CDH12: variants seen among roughly 807,000 people sequenced by gnomAD.
CDH12 encodes the protein cadherin-12.
Under a neutral mutation model 74.1 loss-of-function variants are expected in CDH12, and 41 were observed. The ratio of observed to expected loss-of-function variants is 0.55; its 90% CI spans 0.43 to 0.72. The LOEUF is 0.72. Ranked by LOEUF, CDH12 falls within the 30% of genes least tolerant of loss-of-function variation. The pLI is 0.00. For synonymous variants in CDH12, 399 were observed against 355.0 expected (o/e 1.12, Z -1.39); for missense variants, 945 against 977.2 (o/e 0.97, Z 0.44).
chr5:21,947,195 A>G (rs1400005040), intron 6 of CDH12, among the ~76,000 whole-genome samples: 20 of 152,160 alleles, frequency 1.3e-4, no homozygotes, highest in Non-Finnish European at 2.9e-4. Context: ...GTATCTTTAT[A>G]GCAGTGTGAG....
intron 1 of CDH12, among the ~76,000 whole-genome samples, chr5:22,636,065 TA>T (rs550875976): frequency 8.2e-4 from 124 of 152,054 alleles, no homozygotes; most frequent in Admixed American, 1.4e-3. Flanking sequence ...AGAAAATATA[TA>T]AATTATCAAT....
chr5:21,765,100 C>T lies in CDH12; in HGVS notation c.1394-1G>A. On this transcript the variant is annotated splice_acceptor_variant, in intron 11 of 14. Transcript: ENST00000382254. LOFTEE classifies it high-confidence loss of function. ...ACTTTGCTGGTCAATAAAGGGTTAC[C>T]TGTTAAAAACATATAAAGATAAAAG... The T allele has an allele frequency of 3.2e-6, 5 of 1,553,690 alleles. No homozygotes were observed. Among genetic ancestry groups the T allele is most frequent in the Non-Finnish European group, 4.3e-6 (5 of 1,153,558 alleles).
At chr5:22,029,592 T>C (rs1192471126) in intron 5 of CDH12, among the ~76,000 whole-genome samples, 2 of 152,048 alleles carry the variant, frequency 1.3e-5, no homozygotes, top group Admixed American at 1.3e-4. Flanking sequence ...AGAATGGCAA[T>C]CATTAAAAAG....
chr5:21,970,576 AT>A, intron 6 of CDH12, among the ~76,000 whole-genome samples: 1 of 152,168 alleles, frequency 6.6e-6, no homozygotes, highest in Non-Finnish European at 1.5e-5. Context: ...ACTGTGGCTC[AT>A]GTCCTTAACA....
intron 3 of CDH12, among the ~76,000 whole-genome samples, chr5:22,397,557 C>T (rs1407891199): frequency 6.6e-6 from 1 of 150,920 alleles, no homozygotes; most frequent in Non-Finnish European, 1.5e-5. Flanking sequence ...CAAGGATTGA[C>T]ATTACAGACT....
rs1353799939 is a variant in CDH12, at chr5:22,321,189, T to C, written c.-333+84068A>G. ...TAAATCATGCTGCTATAAAGACACA[T>C]GCACACGTTGTTTATTGCGGCATTT... On this transcript the variant is annotated intron_variant, in intron 3 of 14. Transcript: ENST00000382254. 2.6e-5 allele frequency among the ~76,000 whole-genome samples: 4 copies of C among 152,116 alleles called. No individual in the cohort carries two copies. In the East Asian group the frequency reaches 5.8e-4, roughly 22 times the overall value.
chr5:22,022,333 G>A (rs895784770), intron 5 of CDH12, among the ~76,000 whole-genome samples: 6 of 152,076 alleles, frequency 3.9e-5, no homozygotes, highest in African/African-American at 1.4e-4. Context: ...TTAAAAGTGT[G>A]TAGTACTTCC....
intron 1 of CDH12, among the ~76,000 whole-genome samples, chr5:22,528,686 A>C (rs1349574084): frequency 6.6e-6 from 1 of 152,026 alleles, no homozygotes; most frequent in Admixed American, 6.6e-5. Flanking sequence ...AGCCAATCTT[A>C]TTATATTTTT....
chr5:22,581,690 T>C (rs891175014), intron 1 of CDH12, among the ~76,000 whole-genome samples: 3 of 152,152 alleles, frequency 2.0e-5, no homozygotes. Flanking sequence ...CACTGACAGC[T>C]TACACATGAG....
chr5:21,802,593 CTT>C (rs35742047), intron 9 of CDH12, among the ~76,000 whole-genome samples, 173 bp from the exon 10 acceptor site: 2 of 120,186 alleles, frequency 1.7e-5, no homozygotes, highest in Admixed American at 1.0e-4. Context: ...ATTTTTTTTT[CTT>C]TTTTTTTTTT....
At chr5:21,805,801 A>T (rs1747395962) in intron 9 of CDH12, among the ~76,000 whole-genome samples, 1 of 152,212 alleles carries the variant, frequency 6.6e-6, no homozygotes, top group South Asian at 2.1e-4. Context: ...AGTGCTAGAA[A>T]ATAAATCATA....
At chr5:21,875,961 T>A (rs572122212) in intron 6 of CDH12, among the ~76,000 whole-genome samples, 31 of 149,922 alleles carry the variant, frequency 2.1e-4, no homozygotes, top group African/African-American at 6.1e-4. Context: ...AGTGGCACGA[T>A]CTCGGTTCAC....
chr5:21,966,095 G>A (rs1185453228), intron 6 of CDH12, among the ~76,000 whole-genome samples: 1 of 150,826 alleles, frequency 6.6e-6, no homozygotes, highest in East Asian at 2.0e-4. Flanking sequence ...ATATGTATTA[G>A]TGTGGTGCTC....
At chr5:22,502,716 C>A (rs1736224984) in intron 2 of CDH12, among the ~76,000 whole-genome samples, 1 of 151,710 alleles carries the variant, frequency 6.6e-6, no homozygotes, top group African/African-American at 2.4e-5. Context: ...CAAAAGCAAA[C>A]CGACTAAAAC....
intron 6 of CDH12, among the ~76,000 whole-genome samples, chr5:21,910,565 TG>T (rs1346384854): frequency 1.3e-5 from 2 of 152,090 alleles, no homozygotes; most frequent in Non-Finnish European, 1.5e-5. Flanking sequence ...GAATTTGCAG[TG>T]GGTTGGCCAA....
At chr5:22,240,708 AT>A (rs1481347751) in intron 3 of CDH12, among the ~76,000 whole-genome samples, 1 of 151,742 alleles carries the variant, frequency 6.6e-6, no homozygotes, top group Non-Finnish European at 1.5e-5. Flanking sequence ...TAATTTTTGT[AT>A]TTTTAGTAGA....
At chr5:22,403,413 A>G (rs1234374035) in intron 3 of CDH12, among the ~76,000 whole-genome samples, 1 of 152,170 alleles carries the variant, frequency 6.6e-6, no homozygotes, top group East Asian at 1.9e-4. Context: ...ATCTCATGGG[A>G]CATTTTACTT....
intron 4 of CDH12, chr5:22,152,330 A>G (rs1195112867): frequency 1.3e-5 from 2 of 152,172 alleles, no homozygotes; most frequent in African/African-American, 2.4e-5. Flanking sequence ...TGAACATTAG[A>G]CATAATTAAA....
intron 1 of CDH12, among the ~76,000 whole-genome samples, chr5:22,614,604 G>A (rs1214547396): frequency 6.6e-6 from 1 of 152,088 alleles, no homozygotes; most frequent in African/African-American, 2.4e-5. Flanking sequence ...CAAGTGTGAA[G>A]GACAGCATTA....
Sources: gnomAD v4.1 joint callset for allele counts (sites outside exome capture counted in the v4.1 genomes callset) on GRCh38, gnomAD v4.1.1 for gene constraint, MANE v1.5 for transcripts, NCBI Gene and HGNC (gene_info 2026-07-23, HGNC 2026-07-21) for gene names.